The following DHX40 variants were observed in gnomAD, a reference collection of about 807,000 sequenced individuals.
DHX40 encodes the protein DEAH-box helicase 40.
In DHX40, 28 loss-of-function variants were observed where a neutral mutation model predicts 89.6. That is an observed-to-expected ratio of 0.31 (90% CI 0.23 to 0.43). The LOEUF (loss-of-function observed/expected upper bound fraction) is 0.43, where lower values mean the gene tolerates loss of function less well. Ranked by LOEUF, DHX40 falls within the 20% of genes least tolerant of loss-of-function variation. DHX40 has a pLI of 1.00. For missense variants in DHX40, 457 were observed against 844.0 expected, an observed-to-expected ratio of 0.54 and a Z score of 5.68; for synonymous variants, 226 against 283.6, an observed-to-expected ratio of 0.80 and a Z score of 2.04.
intron 8 of DHX40, among the ~76,000 whole-genome samples, 161 bp from the exon 9 acceptor site, chr17:59,579,296 TACATTCCCACCAACA>T (rs2048923448): frequency 1.3e-5 from 1 of 75,474 alleles, no homozygotes; most frequent in Admixed American, 1.5e-4. Flanking sequence ...TGAACCATTT[TACATTCCCACCAACA>T]ACATACGAGG....
intron 17 of DHX40, among the ~76,000 whole-genome samples, chr17:59,606,542 C>A (rs566177139): frequency 6.6e-6 from 1 of 152,040 alleles, no homozygotes; most frequent in Admixed American, 6.6e-5. Context: ...GTCAGGAGAT[C>A]GAGACCATCC....
intron 12 of DHX40, among the ~76,000 whole-genome samples, chr17:59,591,648 C>A (rs4968385): frequency 6.6e-6 from 1 of 150,580 alleles, no homozygotes; most frequent in Non-Finnish European, 1.5e-5. Context: ...TCCTTTATAC[C>A]TTCTATGCAG....
In DHX40 at chr17:59,602,515, T is replaced by G. The variant is rs1334041924; in HGVS notation, c.1807-7T>G. On this transcript the variant is annotated splice_polypyrimidine_tract_variant and splice_region_variant and intron_variant, in intron 14 of 17. Transcript: ENST00000251241. Reference sequence around the variant, plus strand: ...GATTTACCACTCTCTACATATTCTTTTTATAGCAAAGTGATTTCCCAAAAG... The same window carrying G: ...GATTTACCACTCTCTACATATTCTTGTTATAGCAAAGTGATTTCCCAAAAG... 1 of 1,608,630 alleles carries G rather than the reference T, an allele frequency of 6.2e-7. No homozygotes were observed. The highest frequency in any genetic ancestry group is 1.7e-5 in the Admixed American group (1 of 59,512).
chr17:59,594,264 T>C (rs2049120754), intron 12 of DHX40, among the ~76,000 whole-genome samples: 1 of 152,116 alleles, frequency 6.6e-6, no homozygotes, highest in Non-Finnish European at 1.5e-5. Flanking sequence ...GATTGCTAGC[T>C]GCTGGCTCTG....
At chr17:59,566,898 A>T (rs985862258) in intron 2 of DHX40, 104 bp downstream of exon 2, 2 of 1,021,636 alleles carry the variant, frequency 2.0e-6, no homozygotes, top group Admixed American at 3.7e-5. Flanking sequence ...TTTGCTTTAT[A>T]GTCCCGCTTC....
chr17:59,605,327 G>A lies in DHX40; in HGVS notation c.1972-119G>A, dbSNP rs188442719. On this transcript the variant is annotated intron_variant, in intron 16 of 17. Transcript: ENST00000251241. ...GATCTATAAGGGTATTGGTTGGCCT[G>A]TGCCTCCTGTTTGAAGAAGATAGGA... The A allele has an allele frequency of 4.6e-6, 6 of 1,301,440 alleles. No homozygotes were observed. In the East Asian group the frequency reaches 1.0e-4, roughly 22 times the overall value. 80.6% of individuals were successfully genotyped at this position (1,301,440 alleles called of 1,614,324 possible). A position where few individuals can be genotyped will look rare whatever the true frequency, so the allele number is the denominator to read the frequency against.
intron 12 of DHX40, among the ~76,000 whole-genome samples, chr17:59,592,252 C>G (rs1385242686): frequency 6.6e-6 from 1 of 151,940 alleles, no homozygotes; most frequent in Non-Finnish European, 1.5e-5. Flanking sequence ...TCCCTAGAAT[C>G]TACAGAAAGT....
At position 59,575,587 on chromosome 17, in the gene DHX40, C is replaced by T. The variant is rs1019089490; in HGVS notation, c.973+116C>T. 13 of 784,482 alleles carry T rather than the reference C, an allele frequency of 1.7e-5. No individual in the cohort carries two copies. The Middle Eastern group carries it at 6.9e-4, about 42-fold the overall frequency. The allele number at this position is 784,482 out of a possible 1,614,324, so 48.6% of individuals were successfully genotyped here. ...GCTTAGGTAAGTTTCACAAACCAGT[C>T]TCACCTTTGTAACCCACATCCAGAT... On this transcript the variant is annotated intron_variant, in intron 7 of 17. Transcript: ENST00000251241.
intron 12 of DHX40, among the ~76,000 whole-genome samples, chr17:59,589,453 C>T (rs1401202963): frequency 6.8e-6 from 1 of 146,302 alleles, no homozygotes; most frequent in Non-Finnish European, 1.5e-5. Context: ...AATCTCCTGA[C>T]CTTGTGATCC....
At position 59,602,737 on chromosome 17, in the gene DHX40, A is replaced by G. The variant is rs2030610093; in HGVS notation, c.1901+121A>G. ...AAGCTCTGTGATGATTATGACATGA[A>G]TTACAGTGACGAGGGAGAGCTACAG... On this transcript the variant is annotated intron_variant, in intron 15 of 17. Transcript: ENST00000251241. 7 of 891,376 alleles carry G rather than the reference A, an allele frequency of 7.9e-6. No homozygotes were observed. The Admixed American group carries it at 8.0e-5, about 10-fold the overall frequency. The allele number at this position is 891,376 out of a possible 1,614,324, so 55.2% of individuals were successfully genotyped here.
chr17:59,566,323 T>C (rs976727438), intron 1 of DHX40, among the ~76,000 whole-genome samples: 3 of 152,234 alleles, frequency 2.0e-5, no homozygotes, highest in Admixed American at 2.0e-4. Flanking sequence ...AGTTTTGTGC[T>C]TCTGTGTAAG....
intron 14 of DHX40, among the ~76,000 whole-genome samples, chr17:59,601,008 A>G (rs1252459212): frequency 6.6e-6 from 1 of 151,724 alleles, no homozygotes; most frequent in East Asian, 1.9e-4. Context: ...ATTCAACAAT[A>G]ACTCCCCATT....
At chr17:59,583,460 A>C (rs2048962581) in intron 10 of DHX40, among the ~76,000 whole-genome samples, 2 of 77,622 alleles carry the variant, frequency 2.6e-5, no homozygotes, top group African/African-American at 6.3e-5. Context: ...AACAGGGTGT[A>C]AATTTGAAAG....
At chr17:59,606,481 T>C (rs191006536) in intron 17 of DHX40, among the ~76,000 whole-genome samples, 1,601 of 152,318 alleles carry the variant, frequency 0.011, 24 homozygotes, top group African/African-American at 0.035. Flanking sequence ...GCATGGTGGC[T>C]CACGCCTGTA....
intron 14 of DHX40, among the ~76,000 whole-genome samples, chr17:59,600,020 T>C (rs1483305584): frequency 1.3e-5 from 2 of 152,040 alleles, no homozygotes; most frequent in Non-Finnish European, 2.9e-5. Context: ...GATGGGGTTT[T>C]GCCGTGTTGG....
At chr17:59,605,706 C>G (rs914764010) in intron 17 of DHX40, 32 bp downstream of exon 17, 25 of 1,564,324 alleles carry the variant, frequency 1.6e-5, no homozygotes, top group Non-Finnish European at 2.2e-5. Context: ...CTCTTAACCA[C>G]TATGCCATAC....
At chr17:59,567,918 T>G (rs925363931) in intron 2 of DHX40, among the ~76,000 whole-genome samples, 9 of 139,780 alleles carry the variant, frequency 6.4e-5, no homozygotes, top group African/African-American at 2.2e-4. Context: ...GGAGACAGAG[T>G]GAGACTCCGT....
chr17:59,568,625 A>G (rs749193364), intron 2 of DHX40, among the ~76,000 whole-genome samples: 10 of 152,150 alleles, frequency 6.6e-5, no homozygotes, highest in Non-Finnish European at 1.3e-4. Flanking sequence ...TTATGACAAT[A>G]TACTGTAGTA....
chr17:59,567,878 G>T (rs2048729532), intron 2 of DHX40, among the ~76,000 whole-genome samples: 1 of 151,314 alleles, frequency 6.6e-6, no homozygotes, highest in Non-Finnish European at 1.5e-5. Context: ...CTTGCAGTGA[G>T]CCGAGATCGT....
Sources: allele counts gnomAD v4.1 joint callset (sites outside exome capture counted in the v4.1 genomes callset), GRCh38; gene constraint gnomAD v4.1.1; transcripts MANE v1.5; gene names NCBI Gene and HGNC (gene_info 2026-07-23, HGNC 2026-07-21).